The following FGF9 variants were observed in gnomAD, a reference collection of about 807,000 sequenced individuals.
The protein encoded by FGF9 is fibroblast growth factor 9 (glia-activating factor).
Under a neutral mutation model 19.9 loss-of-function variants are expected in FGF9, and 3 were observed. The ratio of observed to expected loss-of-function variants is 0.15; its 90% CI spans 0.07 to 0.39. FGF9 has a LOEUF of 0.39. Ranked by LOEUF, FGF9 falls within the 10% of genes least tolerant of loss-of-function variation. The probability of loss-of-function intolerance (pLI) is 1.00; values close to 1 mark genes in which losing one functional copy is unlikely to be tolerated. For synonymous variants in FGF9, 107 were observed against 106.9 expected, an observed-to-expected ratio of 1.00 and a Z score of -0.01; for missense variants, 175 against 256.8, an observed-to-expected ratio of 0.68 and a Z score of 2.18.
chr13:21,683,662 A>AT (rs1872093615), intron 2 of FGF9, among the ~76,000 whole-genome samples: 1 of 152,250 alleles, frequency 6.6e-6, no homozygotes, highest in Non-Finnish European at 1.5e-5. Flanking sequence ...AGAAGCACAC[A>AT]TCTTCTCTCG....
intron 2 of FGF9, among the ~76,000 whole-genome samples, chr13:21,682,813 A>G (rs927997734): frequency 1.8e-4 from 28 of 151,458 alleles, no homozygotes; most frequent in East Asian, 5.8e-4. Context: ...TAGTGTGTAG[A>G]TGGAACTTTA....
chr13:21,682,176 C>T (rs553369966), intron 2 of FGF9, among the ~76,000 whole-genome samples: 5 of 151,580 alleles, frequency 3.3e-5, no homozygotes, highest in South Asian at 2.1e-4. Context: ...ACGTAGTTAA[C>T]GAAAATTTTT....
Position 21,701,369 on chromosome 13 carries a change from T to C in FGF9, c.561T>C (p.Phe187=). 1 of 1,613,936 alleles carries C rather than the reference T, an allele frequency of 6.2e-7. No homozygotes were observed. Among genetic ancestry groups the C allele is most frequent in the Non-Finnish European group, 8.5e-7 (1 of 1,179,962 alleles). ...RTKRHQKFTH[F]LPRPVDPDKV... is the part of the protein sequence containing the mutation. Reference sequence around the variant, plus strand: ...AACGGCACCAGAAATTCACACATTTTTTACCTAGACCAGTGGACCCCGACA... The same window carrying C: ...AACGGCACCAGAAATTCACACATTTCTTACCTAGACCAGTGGACCCCGACA... The change falls in exon 3 of 3, where the codon TTT becomes TTC. Residue 187 remains phenylalanine (F), a synonymous_variant. Transcript: ENST00000382353.
chr13:21,681,805 T>C (rs1222529492), intron 2 of FGF9, among the ~76,000 whole-genome samples: 6 of 152,220 alleles, frequency 3.9e-5, no homozygotes, highest in African/African-American at 1.4e-4. Flanking sequence ...TCTTCCACTC[T>C]GTGGCGGGGA....
rs1402902185 is a variant in FGF9, at chr13:21,672,810, G to A, written c.277+621G>A. ...CTTGGGGGAAAATGACTTGGGAAGA[G>A]GCAGGGCGCTCAGGGGTTTTTGTCC... On this transcript the variant is annotated intron_variant, in intron 1 of 2. Transcript: ENST00000382353. The surrounding 1 kb of genome is among the most constrained non-coding windows in gnomAD (Gnocchi z 4.2). 6.6e-6 allele frequency among the ~76,000 whole-genome samples: 1 copy of A among 152,214 alleles called. No individual in the cohort carries two copies.
At chr13:21,693,447 T>C (rs945631972) in intron 2 of FGF9, among the ~76,000 whole-genome samples, 2 of 152,074 alleles carry the variant, frequency 1.3e-5, no homozygotes, top group Non-Finnish European at 2.9e-5. Flanking sequence ...CACGTGGAAA[T>C]ATCATATAGT....
chr13:21,676,878 C>T (rs892922027), intron 1 of FGF9, among the ~76,000 whole-genome samples: 2 of 152,162 alleles, frequency 1.3e-5, no homozygotes, highest in African/African-American at 4.8e-5. Flanking sequence ...CTCTAGGGGG[C>T]GGTGCCAGCT....
At chr13:21,676,283 A>T (rs527429599) in intron 1 of FGF9, among the ~76,000 whole-genome samples, 3 of 152,260 alleles carry the variant, frequency 2.0e-5, no homozygotes, top group East Asian at 3.9e-4. Flanking sequence ...TGAGCACCCA[A>T]ACTGGGGCTT....
chr13:21,683,939 C>T (rs1031962498), intron 2 of FGF9, among the ~76,000 whole-genome samples: 1 of 152,228 alleles, frequency 6.6e-6, no homozygotes, highest in African/African-American at 2.4e-5. Flanking sequence ...TTAGGATGAA[C>T]CGCTGCCTGG....
chr13:21,684,997 C>T (rs1015797075), intron 2 of FGF9, among the ~76,000 whole-genome samples: 5 of 152,170 alleles, frequency 3.3e-5, no homozygotes, highest in African/African-American at 4.8e-5. Flanking sequence ...TCTCATATTT[C>T]CCACTGGGTT....
At chr13:21,675,003 T>TG (rs1250406407) in intron 1 of FGF9, among the ~76,000 whole-genome samples, 40 of 21,432 alleles carry the variant, frequency 1.9e-3, no homozygotes, top group African/African-American at 6.7e-3. Flanking sequence ...GGTACAGTGT[T>TG]GCGGGGGATG....
rs1486078738 is a variant in FGF9 at position 21,672,298 on chromosome 13, C to T, written c.277+109C>T. 1.3e-5 allele frequency: 16 copies of T among 1,187,644 alleles called. No homozygotes were observed. Among genetic ancestry groups the T allele is most frequent in the Non-Finnish European group, 2.0e-5 (16 of 801,954 alleles). The allele number at this position is 1,187,644 out of a possible 1,614,324, so 73.6% of individuals were successfully genotyped here. Reference sequence around the variant, plus strand: ...ACGTGGGAAGGGTTCTCCCCTCCTCCCCTCTTTCTCTGTATCTCTGTCTCT... The same window carrying T: ...ACGTGGGAAGGGTTCTCCCCTCCTCTCCTCTTTCTCTGTATCTCTGTCTCT... On this transcript the variant is annotated intron_variant, in intron 1 of 2. Coordinates refer to ENST00000382353, the MANE Select transcript of FGF9 (RefSeq NM_002010.3). This position sits in a 1 kb window ranked among gnomAD's most constrained non-coding sequence, Gnocchi z 4.2.
Position 21,684,476 on chromosome 13 carries a change from G to A in FGF9, c.381+3331G>A, listed in dbSNP as rs143974269. The stretch of plus-strand genomic sequence containing the variant: ...CATAGATGTGGCCTCACAGTATCTC[G>A]CTTGTATGGCTGCTGTGTACTTAGG... On this transcript the variant is annotated intron_variant, in intron 2 of 2. Coordinates refer to ENST00000382353, the MANE Select transcript of FGF9 (RefSeq NM_002010.3). 1.8e-3 allele frequency among the ~76,000 whole-genome samples: 281 copies of A among 152,224 alleles called. 5 individuals carry two copies. The East Asian group carries it at 0.041, about 22-fold the overall frequency.
chr13:21,684,424 A>G (rs1415827341), intron 2 of FGF9, among the ~76,000 whole-genome samples: 1 of 152,018 alleles, frequency 6.6e-6, no homozygotes, highest in Non-Finnish European at 1.5e-5. Context: ...TTTAAAAATT[A>G]TGATTATTTT....
chr13:21,695,506 A>G (rs1189064225), intron 2 of FGF9, among the ~76,000 whole-genome samples: 1 of 152,168 alleles, frequency 6.6e-6, no homozygotes, highest in African/African-American at 2.4e-5. Context: ...CATGAAATAA[A>G]TAGTGCCCTC....
rs147999718 is a variant in FGF9 at position 21,701,790 on chromosome 13, C to G, written c.*355C>G. 165 of 285,498 alleles carry G rather than the reference C, an allele frequency of 5.8e-4. No homozygotes were observed. The highest frequency in any genetic ancestry group is 3.3e-3 in the African/African-American group (152 of 45,594). 17.7% of individuals were successfully genotyped at this position (285,498 alleles called of 1,614,324 possible). ...GGAGCGAGAGCAAAAGGACTGCGGC[C>G]TGATGCATGCTGGAAAAAGACACGC... On this transcript the variant is annotated 3_prime_UTR_variant, in exon 3 of 3. Transcript: ENST00000382353.
chr13:21,696,799 C>T (rs1872420713), intron 2 of FGF9, among the ~76,000 whole-genome samples: 1 of 152,052 alleles, frequency 6.6e-6, no homozygotes, highest in South Asian at 2.1e-4. Flanking sequence ...GAAGTGTGAT[C>T]CTAAAGAGAT....
rs191020687 is a variant in FGF9, at chr13:21,675,648, A to G, written c.277+3459A>G. On this transcript the variant is annotated intron_variant, in intron 1 of 2. Transcript: ENST00000382353. ...CTCTGGGGAGTTCGTCCTCACACTC[A>G]GTTTCTCTAGAAAAGAGTAACTGTA... Among the ~76,000 whole-genome samples the G allele has an allele frequency of 9.9e-3, 1,510 of 152,260 alleles. 10 individuals are homozygous for G. Among genetic ancestry groups the G allele is most frequent in the South Asian group, 0.054 (262 of 4,832 alleles).
In FGF9 at chr13:21,694,777, A is replaced by C. The variant is rs1006888174; in HGVS notation, c.382-6413A>C. Among the ~76,000 whole-genome samples, 8 of 152,326 alleles carry C rather than the reference A, an allele frequency of 5.3e-5. No homozygotes were observed. The South Asian group carries it at 1.7e-3, about 32-fold the overall frequency. ...GGAATGATTAAATGTACATTGACTA[A>C]ACATTAACACAAGCAAAAATACTTC... On this transcript the variant is annotated intron_variant, in intron 2 of 2. Coordinates refer to ENST00000382353, the MANE Select transcript of FGF9 (RefSeq NM_002010.3).
Sources: allele counts gnomAD v4.1 joint callset (sites outside exome capture counted in the v4.1 genomes callset), GRCh38; gene constraint gnomAD v4.1.1; non-coding constraint Gnocchi (gnomAD v3.1); transcripts MANE v1.5; gene names NCBI Gene and HGNC (gene_info 2026-07-23, HGNC 2026-07-21).